SVOPL: variants seen among roughly 807,000 people sequenced by gnomAD.
SVOPL encodes the protein SVOP like, also known as putative transporter SVOPL.
Under a neutral mutation model 61.0 loss-of-function variants are expected in SVOPL, and 60 were observed. That is an observed-to-expected ratio of 0.98 (90% CI 0.80 to 1.22). The LOEUF is 1.22. Among genes scored for constraint, SVOPL ranks in the 50% most tolerant of loss-of-function variants. The pLI is 0.00. For synonymous variants in SVOPL, 279 were observed against 250.0 expected (o/e 1.12, Z -1.09); for missense variants, 662 against 643.9 (o/e 1.03, Z -0.30).
chr7:138,613,871 G>T (rs1025318088), intron 14 of SVOPL, among the ~76,000 whole-genome samples: 29 of 152,098 alleles, frequency 1.9e-4, no homozygotes, highest in Admixed American at 1.3e-4. Flanking sequence ...CTAGCACCAT[G>T]ACTAATTTCA....
chr7:138,596,744 C>T, intron 14 of SVOPL: 1 of 1,230,108 alleles, frequency 8.1e-7, no homozygotes, highest in Non-Finnish European at 1.0e-6. Context: ...TATTAACACG[C>T]ATTGGCCAGG....
intron 9 of SVOPL, among the ~76,000 whole-genome samples, chr7:138,643,986 G>A (rs1039234083): frequency 6.6e-6 from 1 of 151,774 alleles, no homozygotes; most frequent in Non-Finnish European, 1.5e-5. Flanking sequence ...GGTGGATCAC[G>A]AGGTCAAGAG....
rs370885618 is a variant in SVOPL, at chr7:138,625,951, C to T, written c.1263+18G>A. 11 of 1,613,514 alleles carry T rather than the reference C, an allele frequency of 6.8e-6. No homozygotes were observed. In the African/African-American group the frequency reaches 9.3e-5, roughly 14 times the overall value. On this transcript the variant is annotated intron_variant, in intron 13 of 15. Coordinates refer to ENST00000674285, the MANE Select transcript of SVOPL (RefSeq NM_001139456.2). The stretch of plus-strand genomic sequence containing the variant: ...ACCTTACACACCCTTTGTAAGCAAG[C>T]CTTGCATGAAAACTCACCTCAGCTG...
chr7:138,685,350 A>C (rs1264366249), intron 1 of SVOPL, among the ~76,000 whole-genome samples: 1 of 152,188 alleles, frequency 6.6e-6, no homozygotes. Flanking sequence ...AATGAATACT[A>C]TGTTGTATCA....
At chr7:138,659,064 T>A (rs1400756380) in intron 6 of SVOPL, among the ~76,000 whole-genome samples, 2 of 152,264 alleles carry the variant, frequency 1.3e-5, no homozygotes, top group Admixed American at 6.5e-5. Flanking sequence ...GAGACACATT[T>A]ACAATCTATT....
chr7:138,645,361 G>A (rs983177694), intron 8 of SVOPL, among the ~76,000 whole-genome samples: 2 of 152,108 alleles, frequency 1.3e-5, no homozygotes, highest in South Asian at 2.1e-4. Context: ...ACTGAAGCTC[G>A]AGAATCAACT....
At chr7:138,639,527 C>T (rs1479516634) in intron 9 of SVOPL, among the ~76,000 whole-genome samples, 4 of 149,058 alleles carry the variant, frequency 2.7e-5, no homozygotes, top group South Asian at 2.1e-4. Context: ...CTTGGGAGGC[C>T]GAGGCAGGAG....
intron 13 of SVOPL, among the ~76,000 whole-genome samples, chr7:138,621,954 CTATCTATG>C (rs1799611654): frequency 8.3e-5 from 6 of 72,370 alleles, no homozygotes; most frequent in African/African-American, 2.5e-4. Context: ...ATGTATCTAT[CTATCTATG>C]TATCTATCTA....
At chr7:138,663,403 A>AGAGT in intron 4 of SVOPL, 1 of 1,371,704 alleles carries the variant, frequency 7.3e-7, no homozygotes, top group South Asian at 1.6e-5. Flanking sequence ...TTGTTGCTAG[A>AGAGT]GGACGGCTTC....
intron 1 of SVOPL, among the ~76,000 whole-genome samples, chr7:138,681,603 C>T (rs1424387768): frequency 1.3e-5 from 2 of 152,060 alleles, no homozygotes; most frequent in Non-Finnish European, 2.9e-5. Flanking sequence ...GCAGGAGGAT[C>T]ACTTGAGACC....
At chr7:138,651,984 C>T (rs1801462267) in intron 7 of SVOPL, among the ~76,000 whole-genome samples, 1 of 152,136 alleles carries the variant, frequency 6.6e-6, no homozygotes, top group African/African-American at 2.4e-5. Flanking sequence ...ACTGCAACCT[C>T]AACTTCCCAG....
chr7:138,602,121 T>A (rs1659829), intron 14 of SVOPL, among the ~76,000 whole-genome samples: 50,264 of 151,830 alleles, frequency 0.33, 9,104 homozygotes, highest in East Asian at 0.51. Flanking sequence ...GGTGGGAGGA[T>A]CACTTGAGCC....
chr7:138,667,617 C>T (rs535167337), intron 4 of SVOPL, among the ~76,000 whole-genome samples: 1 of 152,290 alleles, frequency 6.6e-6, no homozygotes, highest in Non-Finnish European at 1.5e-5. Context: ...AACCATTTGC[C>T]TCATTGGCTG....
At position 138,621,152 on chromosome 7, in the gene SVOPL, G is replaced by A. The variant is rs373534854; in HGVS notation, c.1264-17C>T. 6.0e-5 allele frequency: 96 copies of A among 1,608,810 alleles called. No homozygotes were observed. In the African/African-American group the frequency reaches 6.4e-4, roughly 11 times the overall value. ...GGGGTAGACCTGCAGGGAGAGGCAC[G>A]GAAAGTACCAGTCAGATAATGTCCG... On this transcript the variant is annotated splice_polypyrimidine_tract_variant and intron_variant, in intron 13 of 15. Transcript: ENST00000674285.
intron 13 of SVOPL, among the ~76,000 whole-genome samples, chr7:138,624,051 C>T (rs1439958285): frequency 6.6e-6 from 1 of 152,086 alleles, no homozygotes; most frequent in Admixed American, 6.5e-5. Context: ...AACTCCTGAC[C>T]TCAAGGGATC....
intron 5 of SVOPL, 186 bp downstream of exon 5, chr7:138,662,888 G>T (rs1303395111): frequency 2.1e-6 from 3 of 1,432,156 alleles, no homozygotes; most frequent in Non-Finnish European, 1.8e-6. Context: ...ACAGCTGCAG[G>T]CACAGGTACC....
In SVOPL at chr7:138,625,982, A is replaced by C. The variant is rs751045302; in HGVS notation, c.1250T>G (p.Ile417Ser). ...LVAANFNTVY[I>S]YTAEVYPTTM... ...ATGAAAACTCACCTCAGCTGTGTAA[A>C]TGTAGACGGTGTTGAAGTTTGCAGC... is the stretch of plus-strand genomic sequence containing the variant. The change falls in exon 13 of 16, where the codon ATT becomes AGT. Residue 417 changes from isoleucine to serine, a missense_variant. Ile to Ser is a moderately radical substitution (Grantham distance 142, BLOSUM62 -2). Coordinates refer to ENST00000674285, the MANE Select transcript of SVOPL (RefSeq NM_001139456.2). 1.2e-6 allele frequency: 2 copies of C among 1,614,134 alleles called. No individual in the cohort carries two copies. Among genetic ancestry groups the C allele is most frequent in the South Asian group, 2.2e-5 (2 of 91,070 alleles).
At chr7:138,650,925 T>C (rs1298711687) in intron 7 of SVOPL, among the ~76,000 whole-genome samples, 1 of 150,804 alleles carries the variant, frequency 6.6e-6, no homozygotes, top group Admixed American at 6.7e-5. Flanking sequence ...GGAAGGGTCA[T>C]CTTTCTCCTC....
At chr7:138,651,016 C>T (rs1801406466) in intron 7 of SVOPL, among the ~76,000 whole-genome samples, 2 of 151,170 alleles carry the variant, frequency 1.3e-5, no homozygotes, top group Non-Finnish European at 2.9e-5. Context: ...GGATTCGAAA[C>T]CTCTAATCAA....
Sources: gnomAD v4.1 joint callset for allele counts (sites outside exome capture counted in the v4.1 genomes callset) on GRCh38, gnomAD v4.1.1 for gene constraint, MANE v1.5 for transcripts, NCBI Gene and HGNC (gene_info 2026-07-23, HGNC 2026-07-21) for gene names.